The following THSD7A variants were observed in gnomAD, a reference collection of about 807,000 sequenced individuals.
The protein encoded by THSD7A is thrombospondin type-1 domain-containing protein 7A.
Under a neutral mutation model 231.3 loss-of-function variants are expected in THSD7A, and 96 were observed. The ratio of observed to expected loss-of-function variants is 0.41; its 90% CI spans 0.35 to 0.49. The LOEUF is 0.49. THSD7A is among the 20% of genes least tolerant of loss of function. THSD7A has a pLI of 0.05. For synonymous variants in THSD7A, 940 were observed against 743.3 expected, an observed-to-expected ratio of 1.26 and a Z score of -4.30; for missense variants, 2,290 against 2,070.2, an observed-to-expected ratio of 1.11 and a Z score of -2.06.
chr7:11,812,341 T>A (rs1475620673), intron 1 of THSD7A, among the ~76,000 whole-genome samples: 1 of 152,210 alleles, frequency 6.6e-6, no homozygotes, highest in Non-Finnish European at 1.5e-5. Flanking sequence ...GTAAATATAC[T>A]GAAACTGAAT....
chr7:11,442,108 T>G (rs1784825497), intron 13 of THSD7A, among the ~76,000 whole-genome samples: 1 of 152,066 alleles, frequency 6.6e-6, no homozygotes, highest in African/African-American at 2.4e-5. Flanking sequence ...ATAAGTGTGT[T>G]TATATATCAT....
At chr7:11,690,668 T>C (rs1780205337) in intron 1 of THSD7A, among the ~76,000 whole-genome samples, 1 of 151,766 alleles carries the variant, frequency 6.6e-6, no homozygotes, top group Non-Finnish European at 1.5e-5. Context: ...ATTAGCACCA[T>C]AAAGGCAATT....
intron 4 of THSD7A, among the ~76,000 whole-genome samples, chr7:11,570,117 G>C (rs941028296): frequency 2.0e-5 from 3 of 152,138 alleles, no homozygotes; most frequent in African/African-American, 7.2e-5. Flanking sequence ...GCTACAGTGA[G>C]CTGTGACCCT....
chr7:11,584,551 T>C (rs1441405142), intron 4 of THSD7A, among the ~76,000 whole-genome samples: 1 of 151,978 alleles, frequency 6.6e-6, no homozygotes, highest in Non-Finnish European at 1.5e-5. Flanking sequence ...AGAAGAGTAA[T>C]TTATAAATAG....
At chr7:11,705,924 A>G (rs1780750371) in intron 1 of THSD7A, among the ~76,000 whole-genome samples, 1 of 150,990 alleles carries the variant, frequency 6.6e-6, no homozygotes, top group Admixed American at 6.6e-5. Context: ...AAAATCAGTG[A>G]GCATATAATA....
chr7:11,505,329 T>C (rs895387925), intron 6 of THSD7A, among the ~76,000 whole-genome samples: 16 of 152,200 alleles, frequency 1.1e-4, no homozygotes, highest in African/African-American at 3.9e-4. Context: ...TTTCAAATAT[T>C]TGATATGAGA....
chr7:11,590,778 G>T lies in THSD7A; in HGVS notation c.1272-137C>A. 2.0e-6 allele frequency: 2 copies of T among 1,020,842 alleles called. No homozygotes were observed. The highest frequency in any genetic ancestry group is 2.7e-6 in the Non-Finnish European group (2 of 727,580). The allele number at this position is 1,020,842 out of a possible 1,614,324, so 63.2% of individuals were successfully genotyped here. ...GAATCCATCGTAGACTACATCTATG[G>T]TGCATATTTGGTTTCAACTCCTTTA... On this transcript the variant is annotated intron_variant, in intron 3 of 27. Transcript: ENST00000423059. The surrounding 1 kb of genome is among the most constrained non-coding windows in gnomAD (Gnocchi z 4.4).
chr7:11,667,634 G>T (rs1327421591), intron 1 of THSD7A, among the ~76,000 whole-genome samples: 2 of 152,106 alleles, frequency 1.3e-5, no homozygotes, highest in African/African-American at 4.8e-5. Flanking sequence ...GACTTCTGAT[G>T]AAGGAGAGGT....
intron 2 of THSD7A, among the ~76,000 whole-genome samples, chr7:11,617,031 T>C (rs1477352430): frequency 6.6e-6 from 1 of 152,228 alleles, no homozygotes; most frequent in Non-Finnish European, 1.5e-5. Flanking sequence ...ACAGTGATGC[T>C]ATATTTGTGC....
At chr7:11,536,868 C>T (rs1788936331) in intron 6 of THSD7A, among the ~76,000 whole-genome samples, 1 of 152,196 alleles carries the variant, frequency 6.6e-6, no homozygotes, top group South Asian at 2.1e-4. Context: ...AATCTTCTAC[C>T]GATTGTCCCA....
chr7:11,706,206 G>C (rs1780759210), intron 1 of THSD7A, among the ~76,000 whole-genome samples: 1 of 150,892 alleles, frequency 6.6e-6, no homozygotes, highest in African/African-American at 2.4e-5. Flanking sequence ...CCATTTTGTA[G>C]TTTGTACACA....
chr7:11,676,462 A>C (rs1318041724), intron 1 of THSD7A, among the ~76,000 whole-genome samples: 3 of 152,082 alleles, frequency 2.0e-5, no homozygotes, highest in Admixed American at 2.0e-4. Flanking sequence ...GTTATAACAA[A>C]CTCCTCTGAA....
chr7:11,555,646 G>A (rs985503348), intron 4 of THSD7A, among the ~76,000 whole-genome samples: 14 of 151,726 alleles, frequency 9.2e-5, no homozygotes, highest in African/African-American at 2.9e-4. Context: ...GAAGTGTTGG[G>A]AGTAAGGTAT....
chr7:11,429,103 G>A lies in THSD7A; in HGVS notation c.3087C>T (p.Ile1029=), dbSNP rs1319909001. 1.2e-6 allele frequency: 2 copies of A among 1,600,392 alleles called. No individual in the cohort carries two copies. Among genetic ancestry groups the A allele is most frequent in the Non-Finnish European group, 1.7e-6 (2 of 1,175,542 alleles). ...NSHGYIEEAC[I]IPCPSDCKLS... ...GCTTGCAGTCTGAGGGGCAGGGGAT[G>A]ATGCAGGCCTCCTCAATGTAACCTG... Residue 1029 remains isoleucine (I), a synonymous_variant, in exon 14 of 28, where the codon ATC becomes ATT. Transcript: ENST00000423059.
chr7:11,609,573 A>G (rs1780853078), intron 2 of THSD7A, among the ~76,000 whole-genome samples: 1 of 152,104 alleles, frequency 6.6e-6, no homozygotes, highest in African/African-American at 2.4e-5. Flanking sequence ...CCTAAATATT[A>G]TTGTTGCCCA....
intron 1 of THSD7A, among the ~76,000 whole-genome samples, chr7:11,684,787 A>G (rs897145088): frequency 2.6e-5 from 4 of 151,950 alleles, no homozygotes; most frequent in African/African-American, 9.7e-5. Context: ...TTGTTAAAAT[A>G]TCTATACTGT....
intron 2 of THSD7A, among the ~76,000 whole-genome samples, chr7:11,610,224 G>T (rs1373373408): frequency 2.0e-5 from 3 of 152,012 alleles, no homozygotes; most frequent in South Asian, 2.1e-4. Flanking sequence ...ATTATATACT[G>T]ACTCTTGTTC....
At chr7:11,412,599 G>C in intron 18 of THSD7A, 57 bp downstream of exon 18, 2 of 1,603,370 alleles carry the variant, frequency 1.2e-6, no homozygotes, top group Non-Finnish European at 1.7e-6. Flanking sequence ...GAATGCTTCA[G>C]AGCTGACAGA....
intron 27 of THSD7A, among the ~76,000 whole-genome samples, 161 bp downstream of exon 27, chr7:11,376,402 AATGGCTC>A (rs1208347225): frequency 6.6e-6 from 1 of 152,084 alleles, no homozygotes; most frequent in African/African-American, 2.4e-5. Flanking sequence ...TTAGAAACGA[AATGGCTC>A]AGATTTGGTA....
Sources: allele counts gnomAD v4.1 joint callset (sites outside exome capture counted in the v4.1 genomes callset), GRCh38; gene constraint gnomAD v4.1.1; non-coding constraint Gnocchi (gnomAD v3.1); transcripts MANE v1.5; gene names NCBI Gene and HGNC (gene_info 2026-07-23, HGNC 2026-07-21).